INPP5D: variants seen among roughly 807,000 people sequenced by gnomAD.
INPP5D encodes the protein phosphatidylinositol 3,4,5-trisphosphate 5-phosphatase 1.
In INPP5D, 33 loss-of-function variants were observed where a neutral mutation model predicts 122.9. The observed-to-expected ratio is 0.27, with a 90% confidence interval of 0.20 to 0.36. The LOEUF is 0.36. INPP5D is among the 10% of genes least tolerant of loss of function. INPP5D has a pLI of 1.00. For synonymous variants in INPP5D, 584 were observed against 576.2 expected, an observed-to-expected ratio of 1.01 and a Z score of -0.19; for missense variants, 1,053 against 1,412.7, an observed-to-expected ratio of 0.75 and a Z score of 4.08.
At chr2:233,157,337 A>C (rs1694080839) in intron 9 of INPP5D, among the ~76,000 whole-genome samples, 2 of 152,176 alleles carry the variant, frequency 1.3e-5, no homozygotes, top group Admixed American at 1.3e-4. Flanking sequence ...AAGACCCAGA[A>C]GCTCTGGGAA....
Position 233,164,184 on chromosome 2 carries a change from G to A in INPP5D, c.1438-123G>A. 1 of 1,441,802 alleles carries A rather than the reference G, an allele frequency of 6.9e-7. No homozygotes were observed. The highest frequency in any genetic ancestry group is 9.1e-7 in the Non-Finnish European group (1 of 1,097,868). The allele number at this position is 1,441,802 out of a possible 1,614,324, so 89.3% of individuals were successfully genotyped here. On this transcript the variant is annotated intron_variant, in intron 12 of 26. Transcript: ENST00000445964. This position sits in a 1 kb window ranked among gnomAD's most constrained non-coding sequence, Gnocchi z 4.3. ...AAGCATCGCTGGGAGTCCCCCGAAG[G>A]GTTGGGATTACAGACAGGATACCCC...
rs1017841325 is a variant in INPP5D at position 233,078,946 on chromosome 2, G to C, written c.135-389G>C. ...TCCACCCATCTCAGCCTCCCAAAGT[G>C]CTGGGATTACAGGCGTGAGCCACCG... On this transcript the variant is annotated intron_variant, in intron 1 of 26. Coordinates refer to ENST00000445964, the MANE Select transcript of INPP5D (RefSeq NM_001017915.3). The surrounding 1 kb of genome is among the most constrained non-coding windows in gnomAD (Gnocchi z 4.6). Among the ~76,000 whole-genome samples the C allele has an allele frequency of 2.6e-5, 4 of 152,120 alleles. No homozygotes were observed. Among genetic ancestry groups the C allele is most frequent in the African/African-American group, 9.7e-5 (4 of 41,424 alleles).
intron 5 of INPP5D, among the ~76,000 whole-genome samples, chr2:233,136,400 AC>A (rs1249502636): frequency 6.6e-6 from 1 of 151,828 alleles, no homozygotes; most frequent in Non-Finnish European, 1.5e-5. Flanking sequence ...AATCGCTTGA[AC>A]CCAGGAGACG....
chr2:233,142,885 A>T (rs1209675644), intron 6 of INPP5D, among the ~76,000 whole-genome samples: 4 of 150,894 alleles, frequency 2.7e-5, no homozygotes, highest in African/African-American at 4.9e-5. Flanking sequence ...GTCGTGGAGG[A>T]CTCCTGTGCA....
chr2:233,137,857 TATATATATATA>T (rs1693521177), intron 5 of INPP5D, among the ~76,000 whole-genome samples: 2 of 23,860 alleles, frequency 8.4e-5, no homozygotes, highest in Non-Finnish European at 1.5e-4. Context: ...AAAAAAAATA[TATATATATATA>T]TATATATATA....
At chr2:233,186,684 C>CTTTTTTTTTTTTTTTTTTTTTTTTTTT (rs144243823) in intron 21 of INPP5D, among the ~76,000 whole-genome samples, 9 of 44,536 alleles carry the variant, frequency 2.0e-4, no homozygotes, top group African/African-American at 3.4e-4. Context: ...TTTTCTCTTT[C>CTTTTTTTTTTTTTTTTTTTTTTTTTTT]TTTTTTTTTT....
chr2:233,065,264 AGG>A (rs1284334722), intron 1 of INPP5D, among the ~76,000 whole-genome samples: 1 of 149,078 alleles, frequency 6.7e-6, no homozygotes, highest in Non-Finnish European at 1.5e-5. Context: ...TCTACCTGGT[AGG>A]TTAAATTCAT....
At chr2:233,084,401 T>A (rs1305883292) in intron 2 of INPP5D, among the ~76,000 whole-genome samples, 1 of 152,180 alleles carries the variant, frequency 6.6e-6, no homozygotes, top group Non-Finnish European at 1.5e-5. Context: ...TTAGAAAATA[T>A]CTATCTCATA....
chr2:233,146,112 T>C, intron 6 of INPP5D, 50 bp from the exon 7 acceptor site: 3 of 704,134 alleles, frequency 4.3e-6, no homozygotes, highest in Non-Finnish European at 7.8e-6. Flanking sequence ...TGCCTCTCGA[T>C]GGTTCAGGTT....
intron 2 of INPP5D, among the ~76,000 whole-genome samples, chr2:233,113,958 TGGA>T (rs1450964256): frequency 4.1e-5 from 5 of 121,492 alleles, no homozygotes; most frequent in South Asian, 5.0e-4. Context: ...CCAGGCTGGA[TGGA>T]GTGCAGTGGC....
intron 2 of INPP5D, among the ~76,000 whole-genome samples, chr2:233,088,355 C>A (rs1691906438): frequency 6.6e-6 from 1 of 152,210 alleles, no homozygotes; most frequent in South Asian, 2.1e-4. Flanking sequence ...CATCTTTCTC[C>A]TCTTCCTGGG....
At chr2:233,145,283 C>A (rs1181795581) in intron 6 of INPP5D, 1 of 456,226 alleles carries the variant, frequency 2.2e-6, no homozygotes, top group Non-Finnish European at 4.4e-6. Flanking sequence ...CGACCTCAGA[C>A]AAGTTAGTTC....
At chr2:233,120,081 C>T (rs552141601) in intron 2 of INPP5D, among the ~76,000 whole-genome samples, 3 of 152,330 alleles carry the variant, frequency 2.0e-5, no homozygotes, top group Non-Finnish European at 4.4e-5. Context: ...TTCCTACAGG[C>T]GATGGGTCCC....
chr2:233,162,041 T>A (rs1364461270), intron 11 of INPP5D, among the ~76,000 whole-genome samples: 1 of 152,188 alleles, frequency 6.6e-6, no homozygotes, highest in East Asian at 1.9e-4. Flanking sequence ...GCTTTGGGAC[T>A]ATCGTACCCC....
At chr2:233,178,704 G>A (rs180937575) in intron 18 of INPP5D, among the ~76,000 whole-genome samples, 30 of 152,036 alleles carry the variant, frequency 2.0e-4, no homozygotes, top group Admixed American at 1.7e-3. Context: ...GGCTGGTCTC[G>A]AACTCCTGAC....
intron 2 of INPP5D, among the ~76,000 whole-genome samples, chr2:233,115,397 T>C (rs1351434853): frequency 6.6e-6 from 1 of 152,194 alleles, no homozygotes; most frequent in East Asian, 1.9e-4. Context: ...CTTGAGCCTG[T>C]GCAATGACTT....
At chr2:233,110,257 G>A (rs971081571) in intron 2 of INPP5D, among the ~76,000 whole-genome samples, 13 of 152,216 alleles carry the variant, frequency 8.5e-5, no homozygotes, top group Middle Eastern at 3.4e-3. Flanking sequence ...TTTTCAGCAT[G>A]TTGACCAGGC....
At chr2:233,132,920 G>C (rs1047951400) in intron 5 of INPP5D, among the ~76,000 whole-genome samples, 3 of 131,510 alleles carry the variant, frequency 2.3e-5, no homozygotes. Context: ...ACAGGATCTC[G>C]CTCTGTCACC....
intron 4 of INPP5D, among the ~76,000 whole-genome samples, chr2:233,127,912 A>C (rs922046370): frequency 2.6e-5 from 4 of 152,162 alleles, no homozygotes; most frequent in African/African-American, 9.7e-5. Context: ...CCAGCCTACC[A>C]CAAACATTTT....
Sources: gnomAD v4.1 joint callset for allele counts (sites outside exome capture counted in the v4.1 genomes callset) on GRCh38, gnomAD v4.1.1 for gene constraint, Gnocchi (gnomAD v3.1) non-coding constraint, MANE v1.5 for transcripts, NCBI Gene and HGNC (gene_info 2026-07-23, HGNC 2026-07-21) for gene names.